The following SORBS2 variants were observed in gnomAD, a reference collection of about 807,000 sequenced individuals.
SORBS2 encodes the protein sorbin and SH3 domain containing 2.
SORBS2 carries 46 observed loss-of-function variants against 97.7 expected under a neutral mutation model. The ratio of observed to expected loss-of-function variants is 0.47; its 90% CI spans 0.37 to 0.60. The LOEUF (loss-of-function observed/expected upper bound fraction) is 0.60. SORBS2 is among the 20% of genes least tolerant of loss of function. The probability of loss-of-function intolerance (pLI) is 0.00; values close to 1 mark genes in which losing one functional copy is unlikely to be tolerated. For missense variants in SORBS2, 1,316 were observed against 1,282.3 expected (o/e 1.03, Z -0.40); for synonymous variants, 476 against 473.4 (o/e 1.01, Z -0.07).
chr4:185,900,597 G>A (rs1183823162), intron 1 of SORBS2, among the ~76,000 whole-genome samples: 1 of 151,914 alleles, frequency 6.6e-6, no homozygotes, highest in Non-Finnish European at 1.5e-5. Flanking sequence ...TATATAGAGA[G>A]AGAAAAAAAA....
intron 1 of SORBS2, among the ~76,000 whole-genome samples, chr4:185,903,021 T>G (rs1467206402): frequency 6.6e-6 from 1 of 152,202 alleles, no homozygotes; most frequent in Non-Finnish European, 1.5e-5. Flanking sequence ...CTAAAAGCAC[T>G]GATTCCATGG....
rs577036988 is a variant in SORBS2, at chr4:185,606,082, A to G, written c.2796+5698T>C. 1.0e-6 allele frequency: 1 copy of G among 985,204 alleles called. No homozygotes were observed. The highest frequency in any genetic ancestry group is 4.7e-5 in the South Asian group (1 of 21,282). 61.0% of individuals were successfully genotyped at this position (985,204 alleles called of 1,614,324 possible). On this transcript the variant is annotated intron_variant, in intron 12 of 14. Coordinates refer to ENST00000418609, the Ensembl canonical transcript of SORBS2. This position sits in a 1 kb window ranked among gnomAD's most constrained non-coding sequence, Gnocchi z 4.3. The stretch of plus-strand genomic sequence containing the variant: ...TTCTTTTCTGTTGTCTTTGTTTATT[A>G]TTAGCATTATTATTTTTGCAAAGTG...
chr4:185,838,749 G>A (rs1484106147), intron 1 of SORBS2, among the ~76,000 whole-genome samples: 2 of 152,076 alleles, frequency 1.3e-5, no homozygotes, highest in East Asian at 1.9e-4. Context: ...CCTCTGCCTC[G>A]GGCTCTCTGT....
chr4:185,892,134 T>C (rs2149805210), intron 1 of SORBS2, among the ~76,000 whole-genome samples: 1 of 152,322 alleles, frequency 6.6e-6, no homozygotes, highest in Middle Eastern at 3.4e-3. Flanking sequence ...GATTGGGTGC[T>C]AAGTTAATTT....
At chr4:185,613,192 G>C (rs1352135050) in intron 11 of SORBS2, among the ~76,000 whole-genome samples, 1 of 152,202 alleles carries the variant, frequency 6.6e-6, no homozygotes, top group Non-Finnish European at 1.5e-5. Flanking sequence ...TGGTGTGATG[G>C]AGCTGAAACA....
Position 185,928,782 on chromosome 4 carries a change from G to A in SORBS2, c.-338+27414C>T, listed in dbSNP as rs536763250. ...AGGATGGTCTTGATCTCCTGACCTC[G>A]TGATCCGCCCACCTCGGCCTCCTAA... On this transcript the variant is annotated intron_variant, in intron 1 of 20. Coordinates refer to the SORBS2 transcript ENST00000284776. Among the ~76,000 whole-genome samples the A allele has an allele frequency of 6.6e-5, 10 of 152,232 alleles. No individual in the cohort carries two copies. The South Asian group carries it at 1.5e-3, about 22-fold the overall frequency.
intron 2 of SORBS2, among the ~76,000 whole-genome samples, chr4:185,725,705 T>C (rs2098550354): frequency 6.6e-6 from 1 of 152,164 alleles, no homozygotes; most frequent in African/African-American, 2.4e-5. Flanking sequence ...GTCGTTTTAA[T>C]TTTATTTTAT....
chr4:185,680,992 A>G (rs1473893199), intron 2 of SORBS2, among the ~76,000 whole-genome samples: 1 of 152,124 alleles, frequency 6.6e-6, no homozygotes, highest in East Asian at 1.9e-4. Context: ...TGGAAACATT[A>G]GACAGTAAGA....
chr4:185,772,781 A>G (rs1485813929), intron 2 of SORBS2: 1 of 152,196 alleles, frequency 6.6e-6, no homozygotes, highest in Non-Finnish European at 1.5e-5. Context: ...CGGAAATAGG[A>G]CTGTCCCTGT....
chr4:185,761,060 T>G (rs2098885396), intron 2 of SORBS2, among the ~76,000 whole-genome samples: 1 of 152,236 alleles, frequency 6.6e-6, no homozygotes, highest in African/African-American at 2.4e-5. Context: ...TATGTCAAAA[T>G]TATGTACTTC....
intron 2 of SORBS2, among the ~76,000 whole-genome samples, chr4:185,701,831 C>T (rs944976741): frequency 6.0e-5 from 9 of 150,502 alleles, no homozygotes; most frequent in Non-Finnish European, 1.2e-4. Context: ...GTGCAAGTGG[C>T]GTGATCTCAG....
At chr4:185,920,105 T>C (rs2099260263) in intron 1 of SORBS2, among the ~76,000 whole-genome samples, 1 of 152,252 alleles carries the variant, frequency 6.6e-6, no homozygotes, top group African/African-American at 2.4e-5. Context: ...AGTTTCAAAA[T>C]AGTGGTACAC....
intron 2 of SORBS2, among the ~76,000 whole-genome samples, chr4:185,651,005 C>T: frequency 6.6e-6 from 1 of 152,062 alleles, no homozygotes; most frequent in East Asian, 1.9e-4. Flanking sequence ...CAGAGGACCC[C>T]AAGTGAGGTT....
chr4:185,809,333 T>C (rs971437943), intron 1 of SORBS2, among the ~76,000 whole-genome samples: 6 of 143,158 alleles, frequency 4.2e-5, no homozygotes, highest in African/African-American at 1.3e-4. Context: ...GATTCAGATG[T>C]AGCCAAGCAG....
chr4:185,752,580 A>G (rs1188116714), intron 2 of SORBS2, among the ~76,000 whole-genome samples: 1 of 152,216 alleles, frequency 6.6e-6, no homozygotes, highest in Non-Finnish European at 1.5e-5. Context: ...CCAGCCCTGC[A>G]GCAGACTTTT....
intron 14 of SORBS2, chr4:185,588,159 C>CCAA (rs2095832394): frequency 6.4e-6 from 1 of 157,152 alleles, no homozygotes; most frequent in Non-Finnish European, 1.4e-5. Context: ...TGTCGCTGTT[C>CCAA]CAACAGTTTT....
intron 1 of SORBS2, among the ~76,000 whole-genome samples, chr4:185,801,497 T>A (rs570174425): frequency 6.6e-6 from 1 of 152,342 alleles, no homozygotes; most frequent in South Asian, 2.1e-4. Context: ...TTTGACTTTT[T>A]GGTGATAGCC....
In SORBS2 at chr4:185,606,419, T is replaced by C; in HGVS notation, c.2796+5361A>G. 1 of 969,050 alleles carries C rather than the reference T, an allele frequency of 1.0e-6. No homozygotes were observed. The highest frequency in any genetic ancestry group is 1.1e-4 in the East Asian group (1 of 8,744). The allele number at this position is 969,050 out of a possible 1,614,324, so 60.0% of individuals were successfully genotyped here. A position where few individuals can be genotyped will look rare whatever the true frequency, so the allele number is the denominator to read the frequency against. ...CATATTTACATCATTTAATTAAATATGGTGTGTTTTCATATACCCACTCCA... is the reference window on the plus strand; with the variant it reads ...CATATTTACATCATTTAATTAAATACGGTGTGTTTTCATATACCCACTCCA... On this transcript the variant is annotated intron_variant, in intron 12 of 14. Transcript: ENST00000418609. This position sits in a 1 kb window ranked among gnomAD's most constrained non-coding sequence, Gnocchi z 4.3.
At chr4:185,599,191 ACTT>A (rs373964030) in intron 12 of SORBS2, among the ~76,000 whole-genome samples, 79 of 152,348 alleles carry the variant, frequency 5.2e-4, no homozygotes, top group African/African-American at 1.7e-3. Flanking sequence ...GCCCTTGAGA[ACTT>A]CTTGAAATGC....
Sources: gnomAD v4.1 joint callset for allele counts (sites outside exome capture counted in the v4.1 genomes callset) on GRCh38, gnomAD v4.1.1 for gene constraint, Gnocchi (gnomAD v3.1) non-coding constraint, MANE v1.5 for transcripts, NCBI Gene and HGNC (gene_info 2026-07-23, HGNC 2026-07-21) for gene names.